The following ASCC3 variants were observed in gnomAD, a reference collection of about 807,000 sequenced individuals.
ASCC3 encodes ASC-1 complex subunit P200.
ASCC3 carries 158 observed loss-of-function variants against 256.3 expected under a neutral mutation model. The ratio of observed to expected loss-of-function variants is 0.62; its 90% confidence interval spans 0.54 to 0.70. The LOEUF (loss-of-function observed/expected upper bound fraction) is 0.70, where lower values mean the gene tolerates loss of function less well. Ranked by LOEUF, ASCC3 falls within the 30% of genes least tolerant of loss-of-function variation. The pLI is 0.00. For missense variants in ASCC3, 2,259 were observed against 2,626.0 expected, an observed-to-expected ratio of 0.86 and a Z score of 3.05; for synonymous variants, 948 against 883.4, an observed-to-expected ratio of 1.07 and a Z score of -1.30.
chr6:100,804,315 T>C lies in ASCC3; in HGVS notation c.922+1445A>G, dbSNP rs183880627. Among the ~76,000 whole-genome samples, 176 of 152,230 alleles carry C rather than the reference T, an allele frequency of 1.2e-3. 1 individual carries two copies. The highest frequency in any genetic ancestry group is 4.0e-3 in the African/African-American group (165 of 41,558). Reference sequence around the variant, plus strand: ...TATGTGAAGGGTAAACAGTGATCATTGTATTATTCTTGTAACTTTAAGTTT... The same window carrying C: ...TATGTGAAGGGTAAACAGTGATCATCGTATTATTCTTGTAACTTTAAGTTT... On this transcript the variant is annotated intron_variant, in intron 5 of 41. Transcript: ENST00000369162.
At chr6:100,578,197 G>A (rs1770980352) in intron 36 of ASCC3, among the ~76,000 whole-genome samples, 1 of 151,934 alleles carries the variant, frequency 6.6e-6, no homozygotes, top group South Asian at 2.1e-4. Context: ...AGAGGATAAG[G>A]TATAAACAGG....
chr6:100,737,004 C>G (rs1159004919), intron 10 of ASCC3, among the ~76,000 whole-genome samples: 1 of 151,954 alleles, frequency 6.6e-6, no homozygotes, highest in Non-Finnish European at 1.5e-5. Flanking sequence ...AAAACTTAGC[C>G]TGGGTAGTGG....
intron 13 of ASCC3, among the ~76,000 whole-genome samples, chr6:100,686,688 G>A (rs572420482): frequency 5.8e-4 from 88 of 151,966 alleles, no homozygotes; most frequent in Admixed American, 2.3e-3. Flanking sequence ...AATACAGAGT[G>A]TATACAGAGT....
chr6:100,813,545 G>C (rs1201627375), intron 4 of ASCC3, among the ~76,000 whole-genome samples: 3 of 151,904 alleles, frequency 2.0e-5, no homozygotes, highest in African/African-American at 7.3e-5. Flanking sequence ...CTTAAAGGAA[G>C]TTTTTCAGGC....
intron 24 of ASCC3, among the ~76,000 whole-genome samples, chr6:100,639,712 T>TA (rs1775018939): frequency 6.6e-6 from 1 of 152,176 alleles, no homozygotes; most frequent in Non-Finnish European, 1.5e-5. Flanking sequence ...AAAATTAATT[T>TA]AAAAAATTAT....
chr6:100,549,023 G>T (rs1769156734), intron 36 of ASCC3, among the ~76,000 whole-genome samples: 1 of 151,748 alleles, frequency 6.6e-6, no homozygotes, highest in Non-Finnish European at 1.5e-5. Flanking sequence ...TTTTGTGAAT[G>T]TCCTCTTTCT....
At chr6:100,545,635 A>G (rs1285355583) in intron 36 of ASCC3, among the ~76,000 whole-genome samples, 2 of 152,218 alleles carry the variant, frequency 1.3e-5, no homozygotes, top group Non-Finnish European at 2.9e-5. Flanking sequence ...CTTGTCGCCC[A>G]GGCTGAAATG....
intron 4 of ASCC3, among the ~76,000 whole-genome samples, chr6:100,833,135 C>T (rs956603395): frequency 6.6e-6 from 1 of 151,972 alleles, no homozygotes; most frequent in Admixed American, 6.6e-5. Flanking sequence ...AAAAAACACA[C>T]AACTGTCAAG....
intron 25 of ASCC3, among the ~76,000 whole-genome samples, chr6:100,637,586 G>C (rs771532965): frequency 2.0e-5 from 3 of 152,130 alleles, no homozygotes; most frequent in Non-Finnish European, 2.9e-5. Context: ...GACCTGGGCA[G>C]AGTAAGTTGG....
intron 36 of ASCC3, among the ~76,000 whole-genome samples, chr6:100,556,024 A>C (rs1582441026): frequency 6.6e-6 from 1 of 152,042 alleles, no homozygotes; most frequent in East Asian, 1.9e-4. Context: ...AAGCCAAATA[A>C]TCTTTCTAAT....
chr6:100,554,369 C>A (rs555435894), intron 36 of ASCC3, among the ~76,000 whole-genome samples: 1 of 152,120 alleles, frequency 6.6e-6, no homozygotes, highest in East Asian at 1.9e-4. Flanking sequence ...CCTGGTTGCA[C>A]ATAAACATTA....
At chr6:100,587,054 A>G (rs567958501) in intron 36 of ASCC3, among the ~76,000 whole-genome samples, 1 of 152,332 alleles carries the variant, frequency 6.6e-6, no homozygotes, top group African/African-American at 2.4e-5. Context: ...GTACAAAAAC[A>G]TAATATGACT....
At chr6:100,862,422 T>G (rs1178950152) in intron 3 of ASCC3, among the ~76,000 whole-genome samples, 2 of 152,160 alleles carry the variant, frequency 1.3e-5, no homozygotes, top group Non-Finnish European at 2.9e-5. Context: ...AATGACATAT[T>G]TTAAAAAGTT....
At chr6:100,713,269 A>G (rs894503640) in intron 13 of ASCC3, among the ~76,000 whole-genome samples, 2 of 152,168 alleles carry the variant, frequency 1.3e-5, no homozygotes, top group African/African-American at 4.8e-5. Flanking sequence ...AGGCCATGAA[A>G]AGACATGCGG....
At chr6:100,848,038 A>T in intron 4 of ASCC3, 110 bp downstream of exon 4, 2 of 1,082,338 alleles carry the variant, frequency 1.8e-6, no homozygotes, top group Non-Finnish European at 2.6e-6. Flanking sequence ...AGATTCAACT[A>T]CTATACAGAA....
intron 36 of ASCC3, among the ~76,000 whole-genome samples, chr6:100,544,471 A>G (rs1775610510): frequency 6.6e-6 from 1 of 152,122 alleles, no homozygotes; most frequent in African/African-American, 2.4e-5. Context: ...TATCAGGTAT[A>G]AGAGGGGTGA....
At chr6:100,713,537 G>A (rs773021889) in intron 13 of ASCC3, among the ~76,000 whole-genome samples, 1 of 152,108 alleles carries the variant, frequency 6.6e-6, no homozygotes, top group Non-Finnish European at 1.5e-5. Context: ...AAAACAAAGA[G>A]TTAACCTTAA....
chr6:100,623,787 T>C (rs1176227986), intron 30 of ASCC3, among the ~76,000 whole-genome samples: 3 of 152,132 alleles, frequency 2.0e-5, no homozygotes, highest in Non-Finnish European at 4.4e-5. Flanking sequence ...GAGGAATATC[T>C]ATATTTAGAT....
At chr6:100,625,697 C>T (rs1346261233) in intron 29 of ASCC3, among the ~76,000 whole-genome samples, 2 of 152,050 alleles carry the variant, frequency 1.3e-5, no homozygotes, top group Non-Finnish European at 2.9e-5. Flanking sequence ...TGTTTCTCAG[C>T]TATTTGTGTT....
Sources: gnomAD v4.1 joint callset for allele counts (sites outside exome capture counted in the v4.1 genomes callset) on GRCh38, gnomAD v4.1.1 for gene constraint, MANE v1.5 for transcripts, NCBI Gene and HGNC (gene_info 2026-07-23, HGNC 2026-07-21) for gene names.